The following SCARA3 variants were observed in gnomAD, a reference collection of about 807,000 sequenced individuals.
SCARA3 encodes the protein cellular stress response gene protein.
SCARA3 carries 39 observed loss-of-function variants against 47.0 expected under a neutral mutation model. The ratio of observed to expected loss-of-function variants is 0.83; its 90% CI spans 0.64 to 1.08. The LOEUF is 1.08. Ranked by LOEUF, SCARA3 falls within the 50% of genes least tolerant of loss-of-function variation. SCARA3 has a pLI of 0.00. For missense variants in SCARA3, 724 were observed against 792.3 expected (o/e 0.91, Z 1.04); for synonymous variants, 356 against 334.1 (o/e 1.07, Z -0.71).
downstream of SCARA3, among the ~76,000 whole-genome samples, chr8:27,678,035 A>G (rs1418991836): frequency 6.6e-6 from 1 of 152,238 alleles, no homozygotes; most frequent in African/African-American, 2.4e-5. Context: ...TTTGTGTGAT[A>G]CCGCTAAAGC....
chr8:27,717,043 TA>T, the SCARA3 span, among the ~76,000 whole-genome samples: 35 of 150,872 alleles, frequency 2.3e-4, no homozygotes, highest in African/African-American at 7.3e-4. Flanking sequence ...GGTGTAATCC[TA>T]AAAAAAAATG....
the SCARA3 span, among the ~76,000 whole-genome samples, chr8:27,688,243 G>A: frequency 6.6e-6 from 1 of 152,122 alleles, no homozygotes; most frequent in Non-Finnish European, 1.5e-5. Flanking sequence ...CCTGTGTATG[G>A]TTTGTACTCT....
the SCARA3 span, among the ~76,000 whole-genome samples, chr8:27,686,322 T>C: frequency 3.9e-4 from 60 of 152,036 alleles, 1 homozygote; most frequent in Admixed American, 3.9e-3. Flanking sequence ...ACAGCTGTAG[T>C]TGTCCCAGCT....
At chr8:27,719,530 T>G in the SCARA3 span, among the ~76,000 whole-genome samples, 2 of 123,386 alleles carry the variant, frequency 1.6e-5, no homozygotes, top group African/African-American at 7.3e-5. Context: ...GAATTCAAAA[T>G]AAAAGTTAAA....
chr8:27,682,401 A>T, the SCARA3 span, among the ~76,000 whole-genome samples: 1 of 152,192 alleles, frequency 6.6e-6, no homozygotes. Context: ...TAACCATAAA[A>T]AATTGATAAG....
Position 27,658,904 on chromosome 8 carries a change from C to T in SCARA3, c.734C>T (p.Thr245Ile). Residue 245 changes from threonine to isoleucine, a missense_variant, in exon 5 of 6, where the codon ACC becomes ATC. Physicochemically the swap from Thr to Ile is moderately conservative, Grantham distance 89 (BLOSUM62 -1). Transcript: ENST00000301904. ...ATCCAGCGGAAGACAGACGAGGAGACCCTGACCCTCCAGAAGATTGTCACC... is the reference window on the plus strand; with the variant it reads ...ATCCAGCGGAAGACAGACGAGGAGATCCTGACCCTCCAGAAGATTGTCACC... ...HGIQRKTDEE[T>I]LTLQKIVTDW... is the part of the protein sequence containing the mutation. The T allele has an allele frequency of 6.2e-7, 1 of 1,614,162 alleles. No homozygotes were observed. Among genetic ancestry groups the T allele is most frequent in the Non-Finnish European group, 8.5e-7 (1 of 1,180,024 alleles).
chr8:27,699,906 A>G, the SCARA3 span, among the ~76,000 whole-genome samples: 1 of 152,262 alleles, frequency 6.6e-6, no homozygotes, highest in Non-Finnish European at 1.5e-5. Context: ...AGATTTACAC[A>G]TATATATCAA....
chr8:27,656,802 C>G lies in SCARA3; in HGVS notation c.247C>G (p.Leu83Val), dbSNP rs967597580. The change falls in exon 4 of 6, where the codon CTC becomes GTC. Residue 83 changes from leucine (L) to valine (V), a missense_variant. Physicochemically the swap from Leu to Val is conservative, Grantham distance 32. Transcript: ENST00000301904. ...TACAGTTTTCAGAAAAGTGGACTCT[C>G]TCTCCGAAGACATCTCCTTGACCCA... The part of the protein sequence containing the change: ...ASLVFRKVDS[L>V]SEDISLTQSI... 5 of 1,611,872 alleles carry G rather than the reference C, an allele frequency of 3.1e-6. No homozygotes were observed. The highest frequency in any genetic ancestry group is 4.2e-6 in the Non-Finnish European group (5 of 1,177,924).
chr8:27,641,869 G>T (rs1317630444), intron 1 of SCARA3, among the ~76,000 whole-genome samples: 1 of 152,218 alleles, frequency 6.6e-6, no homozygotes, highest in Non-Finnish European at 1.5e-5. Context: ...ACAGAATGAA[G>T]AATTCATCCA....
chr8:27,648,091 G>A (rs151291479), intron 1 of SCARA3, among the ~76,000 whole-genome samples: 4 of 152,332 alleles, frequency 2.6e-5, no homozygotes, highest in African/African-American at 9.6e-5. Flanking sequence ...GCACTTTGTG[G>A]AACCTTTGCT....
intron 5 of SCARA3, among the ~76,000 whole-genome samples, chr8:27,660,992 T>C (rs527891888): frequency 3.3e-5 from 5 of 152,142 alleles, no homozygotes; most frequent in Non-Finnish European, 7.3e-5. Flanking sequence ...TTGAAGACCA[T>C]CAGGCAGGAA....
the SCARA3 span, among the ~76,000 whole-genome samples, chr8:27,726,758 T>C: frequency 6.6e-6 from 1 of 152,194 alleles, no homozygotes; most frequent in African/African-American, 2.4e-5. Flanking sequence ...TGATTTTAAA[T>C]ATGAGCATTG....
chr8:27,717,604 G>T, the SCARA3 span, among the ~76,000 whole-genome samples: 1 of 152,244 alleles, frequency 6.6e-6, no homozygotes, highest in East Asian at 1.9e-4. Flanking sequence ...GGCCAACATG[G>T]CTTAACTCTG....
chr8:27,640,093 T>C (rs1801351473), intron 1 of SCARA3, among the ~76,000 whole-genome samples: 1 of 152,020 alleles, frequency 6.6e-6, no homozygotes, highest in Non-Finnish European at 1.5e-5. Flanking sequence ...TGAGGGAGAC[T>C]TGCTTTGAGA....
intron 1 of SCARA3, among the ~76,000 whole-genome samples, chr8:27,635,474 G>T (rs774316390): frequency 3.9e-5 from 6 of 152,082 alleles, no homozygotes; most frequent in Non-Finnish European, 7.4e-5. Context: ...TTAGAGATAG[G>T]GACTCAATCT....
In SCARA3 at chr8:27,671,312, G is replaced by A. The variant is rs922902639; in HGVS notation, c.1782G>A (p.Pro594=). The A allele has an allele frequency of 3.3e-5, 47 of 1,430,016 alleles. No homozygotes were observed. In the Admixed American group the frequency reaches 9.3e-4, roughly 28 times the overall value. The allele number at this position is 1,430,016 out of a possible 1,614,324, so 88.6% of individuals were successfully genotyped here. A position where few individuals can be genotyped will look rare whatever the true frequency, so the allele number is the denominator to read the frequency against. Residue 594 remains proline (P), a synonymous_variant, in exon 6 of 6, where the codon CCG becomes CCA. Coordinates refer to ENST00000301904, the MANE Select transcript of SCARA3 (RefSeq NM_016240.3). ...GGATCCAGGGTCCCCCTGGTCTCCCGGGGCCTCCAGGTCCACCAGGAAGCC... is the reference window on the plus strand; with the variant it reads ...GGATCCAGGGTCCCCCTGGTCTCCCAGGGCCTCCAGGTCCACCAGGAAGCC... The part of the protein sequence containing the change: ...EPGIQGPPGL[P]GPPGPPGSQS...
the SCARA3 span, among the ~76,000 whole-genome samples, chr8:27,712,012 G>A: frequency 2.0e-5 from 3 of 152,172 alleles, no homozygotes; most frequent in East Asian, 5.8e-4. Flanking sequence ...CACCATTACA[G>A]TAGGAGAATA....
At chr8:27,659,675 C>T (rs1029478180) in intron 5 of SCARA3, 136 bp downstream of exon 5, 59 of 715,188 alleles carry the variant, frequency 8.2e-5, no homozygotes, top group African/African-American at 4.3e-4. Flanking sequence ...CTACAGCAGT[C>T]GGCAGCTTTA....
chr8:27,663,546 A>G (rs1162190105), intron 5 of SCARA3, among the ~76,000 whole-genome samples: 2 of 152,248 alleles, frequency 1.3e-5, no homozygotes, highest in African/African-American at 4.8e-5. Flanking sequence ...TTAGTGGATC[A>G]GCTACCACCC....
Sources: gnomAD v4.1 joint callset for allele counts (sites outside exome capture counted in the v4.1 genomes callset) on GRCh38, gnomAD v4.1.1 for gene constraint, MANE v1.5 for transcripts, NCBI Gene and HGNC (gene_info 2026-07-23, HGNC 2026-07-21) for gene names.